CCDC85A: variants seen among roughly 807,000 people sequenced by gnomAD.
CCDC85A encodes the protein coiled-coil domain-containing protein 85A.
Under a neutral mutation model 50.2 loss-of-function variants are expected in CCDC85A, and 38 were observed. The observed-to-expected ratio is 0.76, with a 90% confidence interval of 0.58 to 0.99. The LOEUF (loss-of-function observed/expected upper bound fraction) is 0.99, where lower values mean the gene tolerates loss of function less well. Ranked by LOEUF, CCDC85A falls within the 50% of genes least tolerant of loss-of-function variation. The probability of loss-of-function intolerance (pLI) is 0.00; values close to 1 mark genes in which losing one functional copy is unlikely to be tolerated. For synonymous variants in CCDC85A, 366 were observed against 301.4 expected, an observed-to-expected ratio of 1.21 and a Z score of -2.22; for missense variants, 820 against 742.0, an observed-to-expected ratio of 1.11 and a Z score of -1.22.
At chr2:56,324,022 G>A (rs894351723) in intron 2 of CCDC85A, among the ~76,000 whole-genome samples, 1 of 152,072 alleles carries the variant, frequency 6.6e-6, no homozygotes, top group African/African-American at 2.4e-5. Context: ...ATTTTTCATG[G>A]ATTTGAATTT....
chr2:56,286,003 G>C (rs1467860221), intron 2 of CCDC85A, among the ~76,000 whole-genome samples: 1 of 151,768 alleles, frequency 6.6e-6, no homozygotes, highest in Non-Finnish European at 1.5e-5. Context: ...TGGGTTGACA[G>C]TCCCCCCCAC....
Position 56,344,987 on chromosome 2 carries a change from C to T in CCDC85A, c.1317+2032C>T, listed in dbSNP as rs185592008. 2.0e-5 allele frequency among the ~76,000 whole-genome samples: 3 copies of T among 151,808 alleles called. No individual in the cohort carries two copies. The East Asian group carries it at 5.8e-4, about 29-fold the overall frequency. ...TGATGACAAGGCTGATTCTTAAAAA[C>T]CTGTGAAAGTGAGTGTTAGAAGTCT... On this transcript the variant is annotated intron_variant, in intron 3 of 5. Coordinates refer to ENST00000407595, the MANE Select transcript of CCDC85A (RefSeq NM_001080433.2).
chr2:56,191,689 G>A (rs1380202526), intron 1 of CCDC85A, among the ~76,000 whole-genome samples: 1 of 152,200 alleles, frequency 6.6e-6, no homozygotes, highest in African/African-American at 2.4e-5. Context: ...TGCAGTTTGG[G>A]GAGAGAGGTC....
At chr2:56,187,830 T>G (rs1676117736) in intron 1 of CCDC85A, among the ~76,000 whole-genome samples, 1 of 152,196 alleles carries the variant, frequency 6.6e-6, no homozygotes. Flanking sequence ...GTCTTTGGAC[T>G]GCTGAGCATA....
chr2:56,303,957 A>G (rs1434707212), intron 2 of CCDC85A, among the ~76,000 whole-genome samples: 1 of 152,210 alleles, frequency 6.6e-6, no homozygotes, highest in Non-Finnish European at 1.5e-5. Context: ...CATCTCAGGT[A>G]AAGCCAGAAG....
intron 2 of CCDC85A, among the ~76,000 whole-genome samples, chr2:56,318,875 G>C (rs551408534): frequency 6.6e-6 from 1 of 152,188 alleles, no homozygotes; most frequent in African/African-American, 2.4e-5. Flanking sequence ...TTTCTTGCTG[G>C]TGTTAAGTAT....
At chr2:56,289,871 T>C (rs1468030603) in intron 2 of CCDC85A, among the ~76,000 whole-genome samples, 1 of 152,146 alleles carries the variant, frequency 6.6e-6, no homozygotes, top group African/African-American at 2.4e-5. Context: ...TAAAGTATGA[T>C]ATCTTTGTCA....
chr2:56,295,443 T>A (rs184316521), intron 2 of CCDC85A, among the ~76,000 whole-genome samples: 2 of 152,346 alleles, frequency 1.3e-5, no homozygotes, highest in East Asian at 3.9e-4. Flanking sequence ...TGATTAATAA[T>A]ATGCTGATAG....
At position 56,193,427 on chromosome 2, in the gene CCDC85A, C is replaced by T. The variant is rs767663265; in HGVS notation, c.1227C>T (p.Tyr409=). The T allele has an allele frequency of 6.2e-6, 10 of 1,606,446 alleles. No individual in the cohort carries two copies. The highest frequency in any genetic ancestry group is 1.1e-5 in the South Asian group (1 of 89,346). The change falls in exon 2 of 6, where the codon TAC becomes TAT. Residue 409 remains tyrosine, a synonymous_variant. Transcript: ENST00000407595. Reference sequence around the variant, plus strand: ...GGTCACCCCATCACCGGAATGTCTACAGTGGCATGAACGGTGGGTCAGTAT... The same window carrying T: ...GGTCACCCCATCACCGGAATGTCTATAGTGGCATGAACGGTGGGTCAGTAT... ...EDGSPHHRNV[Y]SGMNESTLSY...
chr2:56,292,087 CGTTTTTTCTTTTT>C (rs1392177244), intron 2 of CCDC85A, among the ~76,000 whole-genome samples: 2 of 151,974 alleles, frequency 1.3e-5, no homozygotes, highest in African/African-American at 4.8e-5. Flanking sequence ...ATTTTCTTTT[CGTTTTTTCTTTTT>C]GAGACGGAGT....
At chr2:56,280,421 A>C (rs754778376) in intron 2 of CCDC85A, among the ~76,000 whole-genome samples, 6 of 152,202 alleles carry the variant, frequency 3.9e-5, no homozygotes, top group African/African-American at 1.2e-4. Context: ...AGTCAATGAG[A>C]GTGAGATGCT....
chr2:56,337,663 T>C (rs1442341651), intron 2 of CCDC85A, among the ~76,000 whole-genome samples: 1 of 152,226 alleles, frequency 6.6e-6, no homozygotes, highest in Non-Finnish European at 1.5e-5. Context: ...CTACTGCCAA[T>C]GTTGATTTTT....
intron 2 of CCDC85A, among the ~76,000 whole-genome samples, chr2:56,293,140 G>T (rs58985645): frequency 1.8e-4 from 27 of 152,176 alleles, no homozygotes; most frequent in Non-Finnish European, 3.2e-4. Context: ...AACATCTGTG[G>T]CATGTATTAG....
chr2:56,197,842 A>C (rs1676587784), intron 2 of CCDC85A, among the ~76,000 whole-genome samples: 1 of 152,204 alleles, frequency 6.6e-6, no homozygotes, highest in African/African-American at 2.4e-5. Context: ...TTGTTAGGCT[A>C]ATTTGAAGGC....
At chr2:56,187,413 G>C (rs182065933) in intron 1 of CCDC85A, among the ~76,000 whole-genome samples, 108 of 152,358 alleles carry the variant, frequency 7.1e-4, no homozygotes, top group Admixed American at 3.8e-3. Context: ...TCAGGGGCCT[G>C]TGGCCGGGTC....
intron 2 of CCDC85A, among the ~76,000 whole-genome samples, chr2:56,290,511 G>A: frequency 6.6e-6 from 1 of 152,094 alleles, no homozygotes; most frequent in East Asian, 1.9e-4. Context: ...CTGTTTCACT[G>A]TTTCAAACTT....
chr2:56,323,380 C>A (rs1193656033), intron 2 of CCDC85A, among the ~76,000 whole-genome samples: 2 of 152,036 alleles, frequency 1.3e-5, no homozygotes, highest in South Asian at 2.1e-4. Flanking sequence ...GGGGGTGAAT[C>A]TCACCACTGC....
chr2:56,327,819 A>G (rs1228528634), intron 2 of CCDC85A, among the ~76,000 whole-genome samples: 1 of 128,332 alleles, frequency 7.8e-6, no homozygotes, highest in Non-Finnish European at 1.6e-5. Flanking sequence ...ACTGGGGATG[A>G]GTAGAGTAAG....
At chr2:56,200,116 C>G (rs1676674866) in intron 2 of CCDC85A, among the ~76,000 whole-genome samples, 1 of 152,184 alleles carries the variant, frequency 6.6e-6, no homozygotes, top group Admixed American at 6.5e-5. Context: ...ATCTACCTGC[C>G]TCTGCCTCCC....
Sources: gnomAD v4.1 joint callset for allele counts (sites outside exome capture counted in the v4.1 genomes callset) on GRCh38, gnomAD v4.1.1 for gene constraint, MANE v1.5 for transcripts, NCBI Gene and HGNC (gene_info 2026-07-23, HGNC 2026-07-21) for gene names.